WNT4: variants seen among roughly 807,000 people sequenced by gnomAD.
WNT4 encodes Wnt family member 4.
A neutral mutation model predicts 34.5 loss-of-function variants in WNT4; 16 were observed. The observed-to-expected ratio is 0.46, with a 90% CI of 0.31 to 0.70. WNT4 has a LOEUF of 0.70. Ranked by LOEUF, WNT4 falls within the 30% of genes least tolerant of loss-of-function variation. The pLI is 0.04. For missense variants in WNT4, 379 were observed against 495.9 expected (o/e 0.76, Z 2.24); for synonymous variants, 200 against 211.9 (o/e 0.94, Z 0.49).
chr1:22,127,530 C>G, intron 2 of WNT4: 1 of 508,722 alleles, frequency 2.0e-6, no homozygotes, highest in Non-Finnish European at 4.0e-6. Context: ...TCAAAGGGCC[C>G]GAGTCCTAGT....
intron 2 of WNT4, among the ~76,000 whole-genome samples, chr1:22,122,061 A>AG (rs1380801411): frequency 1.3e-5 from 2 of 152,164 alleles, no homozygotes. Flanking sequence ...CTATAAACTC[A>AG]GGTCTGGCCT....
At chr1:22,138,025 C>T (rs567066975) in intron 1 of WNT4, among the ~76,000 whole-genome samples, 98 of 152,342 alleles carry the variant, frequency 6.4e-4, no homozygotes, top group Non-Finnish European at 9.7e-4. Context: ...CTGACAGGCA[C>T]GTGCCAGGCA....
chr1:22,133,043 G>A (rs1206083995), intron 1 of WNT4, among the ~76,000 whole-genome samples: 8 of 152,066 alleles, frequency 5.3e-5, no homozygotes, highest in Admixed American at 1.3e-4. Context: ...CTGAGGCTAC[G>A]GAGATAAAGC....
In WNT4 at chr1:22,129,811, C is replaced by T; in HGVS notation, c.118G>A (p.Glu40Lys). 6.2e-7 allele frequency: 1 copy of T among 1,613,984 alleles called. No homozygotes were observed. Among genetic ancestry groups the T allele is most frequent in the South Asian group, 1.1e-5 (1 of 91,064 alleles). The change falls in exon 2 of 5, where the codon GAG becomes AAG. Residue 40 changes from glutamate to lysine, a missense_variant. Physicochemically the swap from Glu to Lys is moderately conservative, Grantham distance 56. Coordinates refer to ENST00000290167, the MANE Select transcript of WNT4 (RefSeq NM_030761.5). ...CCCTTGAGTTTCTCGCACGTCTCCT[C>T]CTCTGAGATGCTCCCCACCGACGAC... ...KLSSVGSISEEETCEKLKGLI... is the reference protein window; with the variant it reads ...KLSSVGSISEKETCEKLKGLI...
In WNT4 at chr1:22,118,267, A is replaced by C. The variant is rs1327557672; in HGVS notation, c.*1783T>G. 6.6e-6 allele frequency: 1 copy of C among 152,212 alleles called. No individual in the cohort carries two copies. Among genetic ancestry groups the C allele is most frequent in the Non-Finnish European group, 1.5e-5 (1 of 68,060 alleles). 9.4% of individuals were successfully genotyped at this position (152,212 alleles called of 1,614,324 possible). A position where few individuals can be genotyped will look rare whatever the true frequency, so the allele number is the denominator to read the frequency against. ...TCAGCCACTGAACACAGGAGCCAGG[A>C]GCTTGGAGTCTGGGAACCCCAAGTG... On this transcript the variant is annotated 3_prime_UTR_variant, in exon 5 of 5. Transcript: ENST00000290167.
intron 2 of WNT4, among the ~76,000 whole-genome samples, chr1:22,128,615 T>C (rs756717961): frequency 9.2e-5 from 14 of 152,088 alleles, no homozygotes; most frequent in Non-Finnish European, 1.8e-4. Context: ...TTCCACAGGC[T>C]CCCCTGGCCC....
chr1:22,125,146 C>G (rs1215607143), intron 2 of WNT4, among the ~76,000 whole-genome samples: 1 of 152,180 alleles, frequency 6.6e-6, no homozygotes, highest in Admixed American at 6.5e-5. Flanking sequence ...GTTGAGTGTT[C>G]TCGACTCTAA....
intron 2 of WNT4, among the ~76,000 whole-genome samples, chr1:22,125,490 ATT>A (rs777759562): frequency 2.6e-4 from 40 of 152,078 alleles, no homozygotes; most frequent in Non-Finnish European, 4.3e-4. Flanking sequence ...ACCACAGAGC[ATT>A]TGCTTCTTAG....
At chr1:22,121,725 G>A (rs1570089839) in intron 2 of WNT4, 149 bp from the exon 3 acceptor site, 7 of 1,287,284 alleles carry the variant, frequency 5.4e-6, no homozygotes, top group African/African-American at 1.5e-5. Flanking sequence ...GGCACCCCAC[G>A]GCGCTTGTTC....
At chr1:22,123,590 G>A (rs1195028577) in intron 2 of WNT4, among the ~76,000 whole-genome samples, 2 of 152,218 alleles carry the variant, frequency 1.3e-5, no homozygotes, top group East Asian at 3.8e-4. Flanking sequence ...ACCCTATGAA[G>A]TAGATACTTT....
rs1421605580 is a variant in WNT4 at position 22,139,425 on chromosome 1, C to T, written c.77+3421G>A. On this transcript the variant is annotated intron_variant, in intron 1 of 4. Coordinates refer to ENST00000290167, the MANE Select transcript of WNT4 (RefSeq NM_030761.5). The surrounding 1 kb of genome is among the most constrained non-coding windows in gnomAD (Gnocchi z 4.6). ...GAGAGGTTAATAACCTGTCCAAGGTCACTCAGCTGGGCAGGGCAGAGCTCG... is the reference window on the plus strand; with the variant it reads ...GAGAGGTTAATAACCTGTCCAAGGTTACTCAGCTGGGCAGGGCAGAGCTCG... Among the ~76,000 whole-genome samples the T allele has an allele frequency of 4.6e-5, 7 of 152,174 alleles. No individual in the cohort carries two copies. Among genetic ancestry groups the T allele is most frequent in the African/African-American group, 1.7e-4 (7 of 41,416 alleles).
At chr1:22,130,346 C>G (rs994628084) in intron 1 of WNT4, among the ~76,000 whole-genome samples, 3 of 152,216 alleles carry the variant, frequency 2.0e-5, no homozygotes, top group Admixed American at 6.5e-5. Flanking sequence ...CAGCCACATC[C>G]TAGGACCACC....
chr1:22,119,644 A>G lies in WNT4; in HGVS notation c.*406T>C, dbSNP rs1326199321. ...TTTCCAGAGGGTGTGACTTCCATCA[A>G]GTCGGTACCTATTTTCCCTGCCATA... On this transcript the variant is annotated 3_prime_UTR_variant, in exon 5 of 5. Transcript: ENST00000290167. 1 of 309,380 alleles carries G rather than the reference A, an allele frequency of 3.2e-6. No individual in the cohort carries two copies. Among genetic ancestry groups the G allele is most frequent in the Non-Finnish European group, 6.2e-6 (1 of 161,464 alleles). 19.2% of individuals were successfully genotyped at this position (309,380 alleles called of 1,614,324 possible).
intron 2 of WNT4, among the ~76,000 whole-genome samples, chr1:22,128,206 G>A (rs1645954866): frequency 6.6e-6 from 1 of 152,226 alleles, no homozygotes; most frequent in Non-Finnish European, 1.5e-5. Context: ...TTCTATCACA[G>A]TTGGTTTCTA....
rs979055741 is a variant in WNT4 at position 22,140,169 on chromosome 1, C to A, written c.77+2677G>T. On this transcript the variant is annotated intron_variant, in intron 1 of 4. Coordinates refer to ENST00000290167, the MANE Select transcript of WNT4 (RefSeq NM_030761.5). The surrounding 1 kb of genome is among the most constrained non-coding windows in gnomAD (Gnocchi z 5.9). ...TCCTTGGCAGGTGCTGTCAGCTATC[C>A]TCTCGGGGCCAGGCCTCCTCATACC... is the stretch of plus-strand genomic sequence containing the variant. 2.0e-6 allele frequency: 2 copies of A among 985,222 alleles called. No individual in the cohort carries two copies. Among genetic ancestry groups the A allele is most frequent in the African/African-American group, 3.5e-5 (2 of 57,248 alleles). The allele number at this position is 985,222 out of a possible 1,614,324, so 61.0% of individuals were successfully genotyped here.
intron 2 of WNT4, among the ~76,000 whole-genome samples, chr1:22,128,657 G>A (rs538036597): frequency 6.6e-6 from 1 of 152,208 alleles, no homozygotes; most frequent in South Asian, 2.1e-4. Context: ...TCGAGGATAA[G>A]ACCACAGACC....
intron 1 of WNT4, among the ~76,000 whole-genome samples, chr1:22,141,856 C>A (rs563830536): frequency 3.5e-4 from 53 of 152,342 alleles, no homozygotes; most frequent in Middle Eastern, 6.8e-3. Context: ...ACACTGTTGG[C>A]GATCCCCCTT....
intron 2 of WNT4, among the ~76,000 whole-genome samples, chr1:22,128,666 C>A (rs974048958): frequency 6.6e-6 from 1 of 152,184 alleles, no homozygotes; most frequent in Non-Finnish European, 1.5e-5. Flanking sequence ...AGACCACAGA[C>A]CTGGGAGCGG....
chr1:22,138,912 GA>G (rs1230880426), intron 1 of WNT4, among the ~76,000 whole-genome samples: 3 of 152,200 alleles, frequency 2.0e-5, no homozygotes, highest in Non-Finnish European at 4.4e-5. Flanking sequence ...AGCTTGGCCG[GA>G]AGTCGCACAC....
Sources: allele counts gnomAD v4.1 joint callset (sites outside exome capture counted in the v4.1 genomes callset), GRCh38; gene constraint gnomAD v4.1.1; non-coding constraint Gnocchi (gnomAD v3.1); transcripts MANE v1.5; gene names NCBI Gene and HGNC (gene_info 2026-07-23, HGNC 2026-07-21).